GJC2: variants seen among roughly 807,000 people sequenced by gnomAD.
GJC2 encodes the protein gap junction protein gamma 2.
For missense variants in GJC2, 647 were observed against 648.9 expected, an observed-to-expected ratio of 1.00 and a Z score of 0.03; for synonymous variants, 336 against 307.5, an observed-to-expected ratio of 1.09 and a Z score of -0.97.
Position 228,158,651 on chromosome 1 carries a change from T to C in GJC2, c.893T>C (p.Val298Ala). The C allele has an allele frequency of 6.4e-7, 1 of 1,573,072 alleles. No individual in the cohort carries two copies. The highest frequency in any genetic ancestry group is 8.6e-7 in the Non-Finnish European group (1 of 1,160,532). Residue 298 changes from valine to alanine, a missense_variant, in exon 2 of 2, where the codon GTG (valine) becomes GCG (alanine). Transcript: ENST00000366714. This position sits in a 1 kb window ranked among gnomAD's most constrained non-coding sequence, Gnocchi z 8.3. ...GGCTTGGGCAGCGCGCAGGACGCGGTGCGCGGCCGCCGCGGCCCCCCGGCC... is the reference window on the plus strand; with the variant it reads ...GGCTTGGGCAGCGCGCAGGACGCGGCGCGCGGCCGCCGCGGCCCCCCGGCC... ...HLGLGSAQDA[V>A]RGRRGPPASA...
chr1:228,158,431 G>A lies in GJC2; in HGVS notation c.673G>A (p.Val225Met), dbSNP rs2034719303. 2 of 1,608,600 alleles carry A rather than the reference G, an allele frequency of 1.2e-6. No individual in the cohort carries two copies. The highest frequency in any genetic ancestry group is 2.7e-5 in the African/African-American group (2 of 74,884). Residue 225 changes from valine to methionine, a missense_variant, in exon 2 of 2, where the codon GTG becomes ATG. By Grantham distance (21) the Val-to-Met change is conservative. Coordinates refer to ENST00000366714, the MANE Select transcript of GJC2 (RefSeq NM_020435.4). This position sits in a 1 kb window ranked among gnomAD's most constrained non-coding sequence, Gnocchi z 8.3. ...GCTGGTGGCCAGGGCAGCTTTCGAG[G>A]TGGCCTTCCTGGTGGGCCAGTACCT... ...AQLVARAAFE[V>M]AFLVGQYLLY...
rs1451673161 is a variant in GJC2 at position 228,158,883 on chromosome 1, C to T, written c.1125C>T (p.Val375=). The T allele has an allele frequency of 1.7e-5, 26 of 1,488,892 alleles. No individual in the cohort carries two copies. The highest frequency in any genetic ancestry group is 2.2e-5 in the Non-Finnish European group (25 of 1,127,964). The allele number at this position is 1,488,892 out of a possible 1,614,324, so 92.2% of individuals were successfully genotyped here. The change falls in exon 2 of 2, where the codon GTC becomes GTT. Residue 375 remains valine, a synonymous_variant. Transcript: ENST00000366714. This position sits in a 1 kb window ranked among gnomAD's most constrained non-coding sequence, Gnocchi z 8.3. The part of the protein sequence containing the change: ...GDRDRDSSPC[V]GLPAASRGPP... ...GCGACCGGGACAGTTCGCCGTGCGT[C>T]GGCCTCCCTGCGGCCTCCCGGGGGC...
Position 228,158,997 on chromosome 1 carries a change from G to A in GJC2, c.1239G>A (p.Glu413=), listed in dbSNP as rs1384922398. The A allele has an allele frequency of 6.2e-7, 1 of 1,604,676 alleles. No individual in the cohort carries two copies. ...AGCAGGGCCGGCCCGGCACCCACGA[G>A]CGGCCAGGAGCCAAGCCCAGGGCTG... ...VGEQGRPGTH[E]RPGAKPRAGS... is the part of the protein sequence containing the mutation. The change falls in exon 2 of 2, where the codon GAG becomes GAA. Residue 413 remains glutamate (E), a synonymous_variant. Coordinates refer to ENST00000366714, the MANE Select transcript of GJC2 (RefSeq NM_020435.4). The surrounding 1 kb of genome is among the most constrained non-coding windows in gnomAD (Gnocchi z 8.3).
chr1:228,153,731 C>T (rs1228368232), intron 1 of GJC2, among the ~76,000 whole-genome samples: 5 of 151,422 alleles, frequency 3.3e-5, no homozygotes, highest in South Asian at 4.2e-4. Context: ...TACAGGCACG[C>T]GCCACCACGC....
chr1:228,159,146 C>CCTT lies in GJC2; in HGVS notation c.*71_*73dup, dbSNP rs2034737177. 1.3e-6 allele frequency: 2 copies of CCTT among 1,549,518 alleles called. No individual in the cohort carries two copies. The highest frequency in any genetic ancestry group is 1.4e-5 in the African/African-American group (1 of 73,140). The stretch of plus-strand genomic sequence containing the variant: ...GGGGCTCCGGTGGAAACCTGCGACC[C>CCTT]CTTCTCCTCAGCCTTCTCCTTAGCC... On this transcript the variant is annotated 3_prime_UTR_variant, in exon 2 of 2. Coordinates refer to ENST00000366714, the MANE Select transcript of GJC2 (RefSeq NM_020435.4). The surrounding 1 kb of genome is among the most constrained non-coding windows in gnomAD (Gnocchi z 4.0).
chr1:228,157,834 G>A lies in GJC2; in HGVS notation c.76G>A (p.Val26Met), dbSNP rs2034705330. ...CAACCACTCCACCTTCGTGGGCAAGGTGTGGCTCACGGTGCTGGTGGTCTT... is the reference window on the plus strand; with the variant it reads ...CAACCACTCCACCTTCGTGGGCAAGATGTGGCTCACGGTGCTGGTGGTCTT... ...IHNHSTFVGK[V>M]WLTVLVVFRI... The change falls in exon 2 of 2, where the codon GTG becomes ATG. Residue 26 changes from valine to methionine, a missense_variant. Val to Met is a conservative substitution (Grantham distance 21). Coordinates refer to ENST00000366714, the MANE Select transcript of GJC2 (RefSeq NM_020435.4). 1.9e-6 allele frequency: 3 copies of A among 1,600,342 alleles called. No homozygotes were observed. Among genetic ancestry groups the A allele is most frequent in the Admixed American group, 3.4e-5 (2 of 59,058 alleles).
In GJC2 at chr1:228,157,948, G is replaced by A. The variant is rs780087866; in HGVS notation, c.190G>A (p.Asp64Asn). ...TTGCAACACGCGGCAGCCAGGCTGC[G>A]ACAACGTCTGCTATGACGCCTTCGC... ...FTCNTRQPGCDNVCYDAFAPL... is the reference protein window; with the variant it reads ...FTCNTRQPGCNNVCYDAFAPL... Residue 64 changes from aspartate (D) to asparagine (N), a missense_variant, in exon 2 of 2, where the codon GAC (aspartate) becomes AAC (asparagine). Transcript: ENST00000366714. 2 of 1,612,676 alleles carry A rather than the reference G, an allele frequency of 1.2e-6. No individual in the cohort carries two copies. Among genetic ancestry groups the A allele is most frequent in the East Asian group, 2.2e-5 (1 of 44,870 alleles).
rs201796910 is a variant in GJC2 at position 228,158,286 on chromosome 1, G to A, written c.528G>A (p.Glu176=). The A allele has an allele frequency of 6.8e-4, 1,041 of 1,533,678 alleles. 10 individuals are homozygous for A. In the East Asian group the frequency reaches 0.011, roughly 17 times the overall value. ...GEEAEEAGAE[E]ACTKAVGADG... ...AAGCGGAGGAGGCAGGCGCGGAGGAGGCGTGCACTAAGGCGGTCGGCGCTG... is the reference window on the plus strand; with the variant it reads ...AAGCGGAGGAGGCAGGCGCGGAGGAAGCGTGCACTAAGGCGGTCGGCGCTG... The change falls in exon 2 of 2, where the codon GAG becomes GAA. Residue 176 remains glutamate (E), a synonymous_variant. Transcript: ENST00000366714. The surrounding 1 kb of genome is among the most constrained non-coding windows in gnomAD (Gnocchi z 8.3).
chr1:228,158,907 G>A lies in GJC2; in HGVS notation c.1149G>A (p.Gly383=). The A allele has an allele frequency of 6.7e-7, 1 of 1,489,592 alleles. No homozygotes were observed. Among genetic ancestry groups the A allele is most frequent in the South Asian group, 1.3e-5 (1 of 78,874 alleles). 92.3% of individuals were successfully genotyped at this position (1,489,592 alleles called of 1,614,324 possible). A position where few individuals can be genotyped will look rare whatever the true frequency, so the allele number is the denominator to read the frequency against. Residue 383 remains glycine (G), a synonymous_variant, in exon 2 of 2, where the codon GGG becomes GGA. Coordinates refer to ENST00000366714, the MANE Select transcript of GJC2 (RefSeq NM_020435.4). The surrounding 1 kb of genome is among the most constrained non-coding windows in gnomAD (Gnocchi z 8.3). ...PCVGLPAASR[G]PPRAGAPASR... ...TCGGCCTCCCTGCGGCCTCCCGGGG[G>A]CCCCCCAGAGCAGGCGCCCCCGCGT...
chr1:228,153,755 G>T (rs1291541663), intron 1 of GJC2, among the ~76,000 whole-genome samples: 1 of 151,296 alleles, frequency 6.6e-6, no homozygotes, highest in Non-Finnish European at 1.5e-5. Context: ...GCTAATTTTT[G>T]TATTTATAGT....
rs150642719 is a variant in GJC2, at chr1:228,152,294, C to T, written c.-20+2287C>T. On this transcript the variant is annotated intron_variant, in intron 1 of 1. Transcript: ENST00000366714. The surrounding 1 kb of genome is among the most constrained non-coding windows in gnomAD (Gnocchi z 7.3). ...AACTGCAGAAAACACCCACCCTTCG[C>T]GGCCTGCCCTGGGAGGGCCTGGAGA... 6.9e-4 allele frequency among the ~76,000 whole-genome samples: 105 copies of T among 152,260 alleles called. No homozygotes were observed. The highest frequency in any genetic ancestry group is 2.3e-3 in the African/African-American group (94 of 41,548).
chr1:228,157,741 A>AGG lies in GJC2; in HGVS notation c.-18_-17insGG. 1.1e-4 allele frequency: 39 copies of AGG among 354,468 alleles called. No homozygotes were observed. The highest frequency in any genetic ancestry group is 9.5e-4 in the Middle Eastern group (1 of 1,056). 22.0% of individuals were successfully genotyped at this position (354,468 alleles called of 1,614,324 possible). A position where few individuals can be genotyped will look rare whatever the true frequency, so the allele number is the denominator to read the frequency against. ...GCTGACCCCTACCCCGCCCCACAGG[A>AGG]CCCGCCCGCCCGCCCCTATGACCAA... On this transcript the variant is annotated splice_region_variant and 5_prime_UTR_variant, in exon 2 of 2. Transcript: ENST00000366714.
rs1183971182 is a variant in GJC2, at chr1:228,158,722, G to C, written c.964G>C (p.Ala322Pro). Residue 322 changes from alanine to proline, a missense_variant, in exon 2 of 2, where the codon GCG becomes CCG. Transcript: ENST00000366714. The surrounding 1 kb of genome is among the most constrained non-coding windows in gnomAD (Gnocchi z 8.3). ...APRPPPCAFP[A>P]AAAGLACPPD... is the part of the protein sequence containing the mutation. ...GCGGCCCCCGCCCTGCGCCTTCCCT[G>C]CGGCGGCCGCTGGCTTGGCCTGCCC... 7.6e-7 allele frequency: 1 copy of C among 1,314,620 alleles called. No individual in the cohort carries two copies. Among genetic ancestry groups the C allele is most frequent in the Non-Finnish European group, 9.7e-7 (1 of 1,025,802 alleles). The allele number at this position is 1,314,620 out of a possible 1,614,324, so 81.4% of individuals were successfully genotyped here.
intron 1 of GJC2, among the ~76,000 whole-genome samples, chr1:228,155,341 G>A (rs529876087): frequency 6.6e-6 from 1 of 152,188 alleles, no homozygotes; most frequent in Non-Finnish European, 1.5e-5. Context: ...GTGAGGCCGC[G>A]GCATTCGCTC....
In GJC2 at chr1:228,157,740, G is replaced by GCC; in HGVS notation, c.-19_-18insCC. On this transcript the variant is annotated splice_region_variant and 5_prime_UTR_variant, in exon 2 of 2. Transcript: ENST00000366714. ...GGCTGACCCCTACCCCGCCCCACAG[G>GCC]ACCCGCCCGCCCGCCCCTATGACCA... 1 of 662,262 alleles carries GCC rather than the reference G, an allele frequency of 1.5e-6. No homozygotes were observed. Among genetic ancestry groups the GCC allele is most frequent in the Non-Finnish European group, 2.6e-6 (1 of 378,506 alleles). 41.0% of individuals were successfully genotyped at this position (662,262 alleles called of 1,614,324 possible). A position where few individuals can be genotyped will look rare whatever the true frequency, so the allele number is the denominator to read the frequency against.
intron 1 of GJC2, among the ~76,000 whole-genome samples, chr1:228,156,124 G>C (rs2034675648): frequency 6.6e-6 from 1 of 152,238 alleles, no homozygotes; most frequent in Non-Finnish European, 1.5e-5. Context: ...GTGCCCGCCT[G>C]TGCATGTGTG....
At position 228,157,677 on chromosome 1, in the gene GJC2, C is replaced by T. The variant is rs536337713; in HGVS notation, c.-19-63C>T. On this transcript the variant is annotated intron_variant, in intron 1 of 1. Coordinates refer to ENST00000366714, the MANE Select transcript of GJC2 (RefSeq NM_020435.4). ...CAGCTGCGAGGCAAGCCTGGAGCCC[C>T]GGCTCTGAGCGCCGCGGGCTCCTAA... 9.4e-5 allele frequency: 89 copies of T among 945,672 alleles called. No individual in the cohort carries two copies. In the East Asian group the frequency reaches 2.2e-3, roughly 23 times the overall value. The allele number at this position is 945,672 out of a possible 1,614,324, so 58.6% of individuals were successfully genotyped here. A position where few individuals can be genotyped will look rare whatever the true frequency, so the allele number is the denominator to read the frequency against.
intron 1 of GJC2, among the ~76,000 whole-genome samples, chr1:228,154,403 G>A (rs112819835): frequency 2.0e-5 from 3 of 152,274 alleles, no homozygotes; most frequent in African/African-American, 4.8e-5. Context: ...TGGAGTTGAC[G>A]TGACCTTCCC....
rs1361866242 is a variant in GJC2, at chr1:228,150,264, A to G, written c.-20+257A>G. On this transcript the variant is annotated intron_variant, in intron 1 of 1. Coordinates refer to ENST00000366714, the MANE Select transcript of GJC2 (RefSeq NM_020435.4). This position sits in a 1 kb window ranked among gnomAD's most constrained non-coding sequence, Gnocchi z 4.6. ...TGCCTTCACCGCAGGGTGGGCACCAACCGGTGGGGTCTGCTCTGGGACAGC... is the reference window on the plus strand; with the variant it reads ...TGCCTTCACCGCAGGGTGGGCACCAGCCGGTGGGGTCTGCTCTGGGACAGC... Among the ~76,000 whole-genome samples the G allele has an allele frequency of 2.0e-5, 3 of 152,124 alleles. No individual in the cohort carries two copies. Among genetic ancestry groups the G allele is most frequent in the African/African-American group, 7.2e-5 (3 of 41,422 alleles).
Sources: allele counts gnomAD v4.1 joint callset (sites outside exome capture counted in the v4.1 genomes callset), GRCh38; gene constraint gnomAD v4.1.1; non-coding constraint Gnocchi (gnomAD v3.1); transcripts MANE v1.5; gene names NCBI Gene and HGNC (gene_info 2026-07-23, HGNC 2026-07-21).